Variants in CCDC102B observed in about 807,000 individuals in gnomAD.
CCDC102B encodes coiled-coil domain-containing protein 102B.
Under a neutral mutation model 57.4 loss-of-function variants are expected in CCDC102B, and 75 were observed. That is an observed-to-expected ratio of 1.31 (90% CI 1.08 to 1.58). The LOEUF is 1.58. CCDC102B is among the 40% of genes most tolerant of loss of function. The probability of loss-of-function intolerance (pLI) is 0.00; values close to 1 mark genes in which losing one functional copy is unlikely to be tolerated. For synonymous variants in CCDC102B, 206 were observed against 201.9 expected (o/e 1.02, Z -0.17); for missense variants, 636 against 582.6 (o/e 1.09, Z -0.94).
intron 4 of CCDC102B, among the ~76,000 whole-genome samples, chr18:68,855,963 C>A (rs2038367516): frequency 6.6e-6 from 1 of 152,032 alleles, no homozygotes; most frequent in Admixed American, 6.6e-5. Flanking sequence ...TTAGATTTGG[C>A]AGGAATACAG....
chr18:68,867,789 T>TATG (rs1568299908), intron 4 of CCDC102B, among the ~76,000 whole-genome samples: 7 of 151,296 alleles, frequency 4.6e-5, no homozygotes, highest in African/African-American at 1.7e-4. Context: ...AAAAAATTAG[T>TATG]CAGGAGTGGT....
intron 7 of CCDC102B, among the ~76,000 whole-genome samples, chr18:69,032,348 A>G (rs1383951677): frequency 6.6e-6 from 1 of 152,212 alleles, no homozygotes; most frequent in Non-Finnish European, 1.5e-5. Flanking sequence ...AGATCATGTG[A>G]TGATCAGATA....
chr18:68,811,843 A>G (rs1305879501), intron 1 of CCDC102B, among the ~76,000 whole-genome samples: 1 of 152,106 alleles, frequency 6.6e-6, no homozygotes, highest in Non-Finnish European at 1.5e-5. Flanking sequence ...AGGGAGAAAA[A>G]CTGGACCTGG....
intron 2 of CCDC102B, among the ~76,000 whole-genome samples, chr18:68,774,756 A>G (rs1226418196): frequency 6.6e-6 from 1 of 152,042 alleles, no homozygotes; most frequent in Admixed American, 6.5e-5. Flanking sequence ...CATGGTCTCA[A>G]AGTTGAAACT....
intron 2 of CCDC102B, among the ~76,000 whole-genome samples, chr18:68,736,562 T>C (rs781187526): frequency 1.3e-5 from 2 of 150,206 alleles, no homozygotes; most frequent in Non-Finnish European, 2.9e-5. Context: ...TTTTTTAATG[T>C]AATAGTGTTA....
At chr18:68,792,785 A>AT (rs1210887663) in intron 2 of CCDC102B, among the ~76,000 whole-genome samples, 3 of 152,154 alleles carry the variant, frequency 2.0e-5, no homozygotes, top group African/African-American at 7.2e-5. Flanking sequence ...TGTAGATTAG[A>AT]TTTATTTTTC....
chr18:68,917,242 A>G (rs2041105488), intron 6 of CCDC102B, among the ~76,000 whole-genome samples: 1 of 151,740 alleles, frequency 6.6e-6, no homozygotes, highest in African/African-American at 2.4e-5. Flanking sequence ...GGAGGGAGAG[A>G]TGCTTGGAAG....
intron 4 of CCDC102B, chr18:68,866,950 G>A (rs1263477722): frequency 8.5e-6 from 4 of 468,592 alleles, no homozygotes; most frequent in Non-Finnish European, 1.3e-5. Flanking sequence ...TAGCCTTGAA[G>A]ATTCCACAGC....
intron 6 of CCDC102B, among the ~76,000 whole-genome samples, chr18:68,958,541 T>C (rs1777541671): frequency 1.3e-5 from 2 of 152,188 alleles, no homozygotes; most frequent in Non-Finnish European, 2.9e-5. Context: ...TCATCAGAGA[T>C]ATTGATATTG....
rs146507246 is a variant in CCDC102B, at chr18:68,851,793, A to G, written c.936+5372A>G. Reference sequence around the variant, plus strand: ...AATGATAAAAGTAGACTAAAAATATATAAGGAGTGAAGTCTCTAAGTGAGT... The same window carrying G: ...AATGATAAAAGTAGACTAAAAATATGTAAGGAGTGAAGTCTCTAAGTGAGT... On this transcript the variant is annotated intron_variant, in intron 4 of 7. Coordinates refer to ENST00000360242, the MANE Select transcript of CCDC102B (RefSeq NM_024781.3). Among the ~76,000 whole-genome samples the G allele has an allele frequency of 5.6e-4, 86 of 152,314 alleles. 2 individuals are homozygous for G. In the East Asian group the frequency reaches 0.015, roughly 26 times the overall value.
chr18:68,908,168 A>G (rs989510924), intron 6 of CCDC102B: 4 of 152,092 alleles, frequency 2.6e-5, no homozygotes, highest in Non-Finnish European at 5.9e-5. Flanking sequence ...TTAATATTCT[A>G]TTGGATTCCC....
intron 4 of CCDC102B, among the ~76,000 whole-genome samples, chr18:68,853,996 T>C (rs7229631): frequency 0.29 from 44,382 of 152,144 alleles, 6,912 homozygotes; most frequent in Non-Finnish European, 0.34. Flanking sequence ...ATTGTACTTC[T>C]TCCCCTTTGT....
intron 6 of CCDC102B, among the ~76,000 whole-genome samples, chr18:68,904,746 T>G (rs2040566289): frequency 6.6e-6 from 1 of 152,108 alleles, no homozygotes; most frequent in Non-Finnish European, 1.5e-5. Context: ...AATAGGAGAT[T>G]TATTCTTTTC....
intron 6 of CCDC102B, among the ~76,000 whole-genome samples, chr18:68,960,519 G>A (rs943848435): frequency 4.6e-5 from 7 of 152,142 alleles, no homozygotes; most frequent in Non-Finnish European, 7.4e-5. Context: ...TCCCAGTGGC[G>A]TTTCACGGAG....
At chr18:68,897,651 T>C in intron 6 of CCDC102B, 1 of 1,466,488 alleles carries the variant, frequency 6.8e-7, no homozygotes. Flanking sequence ...TCAGACAGTT[T>C]CAAGATTTCC....
intron 6 of CCDC102B, among the ~76,000 whole-genome samples, chr18:68,928,162 C>G (rs1178004394): frequency 6.6e-6 from 1 of 151,852 alleles, no homozygotes; most frequent in Non-Finnish European, 1.5e-5. Context: ...CTCTTAATCT[C>G]AATATTGGCT....
rs142315322 is a variant in CCDC102B, at chr18:69,030,709, C to T, written c.1434+19605C>T. Among the ~76,000 whole-genome samples the T allele has an allele frequency of 2.7e-3, 409 of 152,304 alleles. 2 individuals carry two copies. The highest frequency in any genetic ancestry group is 8.1e-3 in the African/African-American group (338 of 41,552). On this transcript the variant is annotated intron_variant, in intron 7 of 7. Coordinates refer to ENST00000360242, the MANE Select transcript of CCDC102B (RefSeq NM_024781.3). ...ACACTCTGTCACCCAGGCTGGAGTG[C>T]AGTGGCGTGATCTCGGCTCACTGCA...
rs73450108 is a variant in CCDC102B, at chr18:68,985,576, G to A, written c.1264-25358G>A. On this transcript the variant is annotated intron_variant, in intron 6 of 7. Transcript: ENST00000360242. Reference sequence around the variant, plus strand: ...AAGAGAAACTACAGTGTGAACCAGGGTTGCCAGACCCTGTAGCAGGAGCTG... The same window carrying A: ...AAGAGAAACTACAGTGTGAACCAGGATTGCCAGACCCTGTAGCAGGAGCTG... Among the ~76,000 whole-genome samples, 990 of 152,256 alleles carry A rather than the reference G, an allele frequency of 6.5e-3. 11 individuals carry two copies. Among genetic ancestry groups the A allele is most frequent in the African/African-American group, 0.022 (920 of 41,546 alleles).
chr18:68,889,253 C>A (rs1020724802), intron 5 of CCDC102B, among the ~76,000 whole-genome samples: 1 of 152,070 alleles, frequency 6.6e-6, no homozygotes, highest in East Asian at 1.9e-4. Flanking sequence ...GGATGAGTAT[C>A]CTTATGAAAG....
Sources: allele counts gnomAD v4.1 joint callset (sites outside exome capture counted in the v4.1 genomes callset), GRCh38; gene constraint gnomAD v4.1.1; transcripts MANE v1.5; gene names NCBI Gene and HGNC (gene_info 2026-07-23, HGNC 2026-07-21).